ADCYAP1R1: variants seen among roughly 807,000 people sequenced by gnomAD.
ADCYAP1R1 encodes the protein pituitary adenylate cyclase-activating polypeptide type I receptor.
ADCYAP1R1 carries 44 observed loss-of-function variants against 67.6 expected under a neutral mutation model. The ratio of observed to expected loss-of-function variants is 0.65; its 90% CI spans 0.51 to 0.84. The LOEUF (loss-of-function observed/expected upper bound fraction) is 0.84, where lower values mean the gene tolerates loss of function less well. Ranked by LOEUF, ADCYAP1R1 falls within the 40% of genes least tolerant of loss-of-function variation. The pLI is 0.00. For missense variants in ADCYAP1R1, 477 were observed against 587.9 expected (o/e 0.81, Z 1.95); for synonymous variants, 222 against 219.6 (o/e 1.01, Z -0.10).
chr7:31,054,504 C>T (rs534310564), intron 1 of ADCYAP1R1, among the ~76,000 whole-genome samples: 2 of 152,328 alleles, frequency 1.3e-5, no homozygotes, highest in East Asian at 1.9e-4. Context: ...CTTTGGGACA[C>T]TCCCTCAATT....
intron 13 of ADCYAP1R1, 71 bp from the exon 14 acceptor site, chr7:31,103,166 C>T (rs1394356153): frequency 6.3e-7 from 1 of 1,576,980 alleles, no homozygotes; most frequent in Non-Finnish European, 8.6e-7. Context: ...GGGCTGAGTT[C>T]TCTGCCCTCC....
intron 1 of ADCYAP1R1, among the ~76,000 whole-genome samples, chr7:31,058,641 T>C (rs1658710193): frequency 6.6e-6 from 1 of 152,122 alleles, no homozygotes; most frequent in Non-Finnish European, 1.5e-5. Context: ...GTCTGAAATG[T>C]TGTGTCTGTA....
intron 3 of ADCYAP1R1, among the ~76,000 whole-genome samples, chr7:31,067,560 A>G (rs1280525773): frequency 1.3e-5 from 2 of 152,142 alleles, no homozygotes; most frequent in Admixed American, 1.3e-4. Context: ...TTTATAGATA[A>G]GTGAACTGAG....
At chr7:31,096,003 G>T (rs978377879) in intron 13 of ADCYAP1R1, among the ~76,000 whole-genome samples, 1 of 152,192 alleles carries the variant, frequency 6.6e-6, no homozygotes, top group Admixed American at 6.5e-5. Context: ...CTGGGGCAGG[G>T]GTGAGGGGGG....
intron 4 of ADCYAP1R1, 150 bp from the exon 5 acceptor site, chr7:31,080,463 C>T (rs1248324643): frequency 1.4e-6 from 1 of 727,988 alleles, no homozygotes; most frequent in Admixed American, 2.3e-5. Flanking sequence ...AGTCCTGATG[C>T]CTTCTGGGTC....
At chr7:31,058,020 G>A (rs538717675) in intron 1 of ADCYAP1R1, among the ~76,000 whole-genome samples, 1 of 152,314 alleles carries the variant, frequency 6.6e-6, no homozygotes, top group African/African-American at 2.4e-5. Context: ...AGAAGAGGTG[G>A]GGTAGGCTGT....
Position 31,052,441 on chromosome 7 carries a change from G to A in ADCYAP1R1, c.-309G>A, listed in dbSNP as rs1302114759. On this transcript the variant is annotated 5_prime_UTR_variant, in exon 1 of 16. Coordinates refer to ENST00000304166, the MANE Select transcript of ADCYAP1R1 (RefSeq NM_001118.5). ...CGCTCGGCCCCGGGCAGGGAGTGAC[G>A]GCGGCGGCGGCGGCTCCGGGCGAGC... The A allele has an allele frequency of 6.7e-6, 1 of 149,262 alleles. No individual in the cohort carries two copies. Among genetic ancestry groups the A allele is most frequent in the Non-Finnish European group, 1.5e-5 (1 of 67,148 alleles). The allele number at this position is 149,262 out of a possible 1,614,324, so 9.2% of individuals were successfully genotyped here.
chr7:31,087,555 G>C, intron 11 of ADCYAP1R1, 72 bp from the exon 12 acceptor site: 1 of 1,390,176 alleles, frequency 7.2e-7, no homozygotes, highest in Non-Finnish European at 1.0e-6. Flanking sequence ...CAGCTAGGCA[G>C]GGCAGTGTCC....
chr7:31,092,578 C>A, intron 12 of ADCYAP1R1, 66 bp from the exon 13 acceptor site: 1 of 1,308,430 alleles, frequency 7.6e-7, no homozygotes, highest in Non-Finnish European at 1.1e-6. Context: ...GAGGGTCCTG[C>A]TGGGGAAATA....
chr7:31,095,654 C>T, intron 13 of ADCYAP1R1: 1 of 717,810 alleles, frequency 1.4e-6, no homozygotes, highest in East Asian at 2.7e-5. Flanking sequence ...CGGTTTTTTC[C>T]TCTTATTTCC....
chr7:31,076,259 T>G (rs1427499352), intron 3 of ADCYAP1R1, among the ~76,000 whole-genome samples: 1 of 152,244 alleles, frequency 6.6e-6, no homozygotes, highest in East Asian at 1.9e-4. Context: ...GGGCTGAAAT[T>G]GTTCCTTGGA....
chr7:31,070,184 C>G (rs560834247), intron 3 of ADCYAP1R1, among the ~76,000 whole-genome samples: 1 of 152,226 alleles, frequency 6.6e-6, no homozygotes, highest in Admixed American at 6.5e-5. Context: ...ATCTCCAGGC[C>G]ACACAGCCCC....
intron 3 of ADCYAP1R1, among the ~76,000 whole-genome samples, chr7:31,070,373 G>A (rs1272037240): frequency 6.6e-6 from 1 of 152,208 alleles, no homozygotes; most frequent in African/African-American, 2.4e-5. Context: ...GAGGCCTGTG[G>A]TGGCCATGGC....
chr7:31,084,750 T>C lies in ADCYAP1R1; in HGVS notation c.452T>C (p.Leu151Pro). ...SETGDQDYYY[L>P]SVKALYTVGY... ...GCTCTGCTTCAGGATTATTACTACC[T>C]GTCAGTGAAGGCCCTCTACACGGTT... Residue 151 changes from leucine (L) to proline (P), a missense_variant, in exon 8 of 16, where the codon CTG (leucine) becomes CCG (proline). Coordinates refer to ENST00000304166, the MANE Select transcript of ADCYAP1R1 (RefSeq NM_001118.5). The C allele has an allele frequency of 3.1e-6, 5 of 1,614,010 alleles. No individual in the cohort carries two copies. Among genetic ancestry groups the C allele is most frequent in the Non-Finnish European group, 4.2e-6 (5 of 1,179,880 alleles).
chr7:31,085,493 C>T (rs1184927523), intron 9 of ADCYAP1R1, 51 bp downstream of exon 9: 1 of 1,568,542 alleles, frequency 6.4e-7, no homozygotes, highest in Non-Finnish European at 8.6e-7. Flanking sequence ...GGTCCCGCAC[C>T]ATCCCCTTGG....
At position 31,109,743 on chromosome 7, in the gene ADCYAP1R1, A is replaced by T. The variant is rs545651163; in HGVS notation, c.*3059A>T. ...AGGGAGGGACTCTCATCCTGGAGGA[A>T]ATGGGATTCCAAGTCAAGGATGCTG... On this transcript the variant is annotated 3_prime_UTR_variant, in exon 16 of 16. Coordinates refer to ENST00000304166, the MANE Select transcript of ADCYAP1R1 (RefSeq NM_001118.5). 6.6e-6 allele frequency: 1 copy of T among 152,472 alleles called. No homozygotes were observed. The highest frequency in any genetic ancestry group is 2.4e-5 in the African/African-American group (1 of 41,518). 9.4% of individuals were successfully genotyped at this position (152,472 alleles called of 1,614,324 possible).
At chr7:31,067,396 C>A (rs957575822) in intron 3 of ADCYAP1R1, among the ~76,000 whole-genome samples, 18 of 152,086 alleles carry the variant, frequency 1.2e-4, no homozygotes, top group African/African-American at 4.1e-4. Context: ...TGCTCTGGGC[C>A]TCAGGAGCTT....
At chr7:31,079,965 A>G (rs1356553247) in intron 4 of ADCYAP1R1, among the ~76,000 whole-genome samples, 4 of 152,218 alleles carry the variant, frequency 2.6e-5, no homozygotes. Context: ...TCATTCCTGT[A>G]GAAGCCAACT....
chr7:31,068,053 G>A (rs1256392033), intron 3 of ADCYAP1R1, among the ~76,000 whole-genome samples: 1 of 152,162 alleles, frequency 6.6e-6, no homozygotes, highest in Non-Finnish European at 1.5e-5. Flanking sequence ...GGGCTTCAGA[G>A]GGCAGATGGA....
Sources: allele counts gnomAD v4.1 joint callset (sites outside exome capture counted in the v4.1 genomes callset), GRCh38; gene constraint gnomAD v4.1.1; transcripts MANE v1.5; gene names NCBI Gene and HGNC (gene_info 2026-07-23, HGNC 2026-07-21).